Variants in ITGA1 observed in about 807,000 individuals in gnomAD.
ITGA1 encodes integrin alpha-1.
A neutral mutation model predicts 145.9 loss-of-function variants in ITGA1; 85 were observed. That is an observed-to-expected ratio of 0.58 (90% CI 0.49 to 0.70). ITGA1 has a LOEUF of 0.70. ITGA1 is among the 30% of genes least tolerant of loss of function. The pLI is 0.00. For missense variants in ITGA1, 1,351 were observed against 1,418.7 expected, an observed-to-expected ratio of 0.95 and a Z score of 0.77; for synonymous variants, 520 against 495.3, an observed-to-expected ratio of 1.05 and a Z score of -0.66.
At chr5:52,927,549 T>C in intron 19 of ITGA1, 35 bp from the exon 20 acceptor site, 1 of 1,438,260 alleles carries the variant, frequency 7.0e-7, no homozygotes, top group Non-Finnish European at 9.7e-7. Context: ...TTCACCTGCT[T>C]GTCCACTCTG....
At chr5:52,798,709 G>C (rs1196796937) in intron 1 of ITGA1, among the ~76,000 whole-genome samples, 1 of 152,152 alleles carries the variant, frequency 6.6e-6, no homozygotes, top group Non-Finnish European at 1.5e-5. Context: ...ATGGGGCAGG[G>C]GAACAATCAG....
chr5:52,902,004 C>A (rs1467928663), intron 11 of ITGA1: 1 of 151,918 alleles, frequency 6.6e-6, no homozygotes, highest in Non-Finnish European at 1.5e-5. Context: ...TGTTTTTTTT[C>A]ACCCAAAATA....
chr5:52,893,065 A>C (rs969762199), intron 8 of ITGA1, among the ~76,000 whole-genome samples: 5 of 152,190 alleles, frequency 3.3e-5, no homozygotes, highest in African/African-American at 1.2e-4. Flanking sequence ...ATTATAGTTA[A>C]CAATCATATA....
chr5:52,936,608 A>G (rs548591870), intron 23 of ITGA1, among the ~76,000 whole-genome samples: 9 of 152,326 alleles, frequency 5.9e-5, no homozygotes, highest in African/African-American at 1.9e-4. Flanking sequence ...GAAGGGGACA[A>G]CTGCATCTGG....
At chr5:52,825,285 G>A (rs1430046610) in intron 1 of ITGA1, 1 of 152,070 alleles carries the variant, frequency 6.6e-6, no homozygotes, top group Non-Finnish European at 1.5e-5. Flanking sequence ...ATCAGTATAG[G>A]CCCATCTTGT....
intron 1 of ITGA1, chr5:52,801,594 A>G (rs140897877): frequency 2.5e-6 from 4 of 1,614,050 alleles, no homozygotes; most frequent in Non-Finnish European, 3.4e-6. Flanking sequence ...AGGCCAATGA[A>G]GCCATGGCAA....
chr5:52,793,551 C>T (rs868227277), intron 1 of ITGA1, among the ~76,000 whole-genome samples: 1 of 151,962 alleles, frequency 6.6e-6, no homozygotes, highest in Non-Finnish European at 1.5e-5. Context: ...GGAAAATGTG[C>T]GTCTGAAAAT....
At chr5:52,916,570 G>A (rs754209833) in intron 15 of ITGA1, among the ~76,000 whole-genome samples, 2 of 151,894 alleles carry the variant, frequency 1.3e-5, no homozygotes, top group Non-Finnish European at 2.9e-5. Context: ...AAATTAAAAT[G>A]GTACAGTAAA....
chr5:52,935,256 C>G (rs1750948796), intron 23 of ITGA1, among the ~76,000 whole-genome samples: 1 of 151,714 alleles, frequency 6.6e-6, no homozygotes, highest in African/African-American at 2.4e-5. Flanking sequence ...TAAGGTGAAA[C>G]CCGGTAAGTT....
At chr5:52,830,810 G>A (rs1362598431) in intron 1 of ITGA1, among the ~76,000 whole-genome samples, 7 of 152,188 alleles carry the variant, frequency 4.6e-5, no homozygotes, top group Non-Finnish European at 1.5e-5. Context: ...ACGCCAGGCA[G>A]GGCTGTCAGT....
intron 1 of ITGA1, among the ~76,000 whole-genome samples, chr5:52,841,584 T>A (rs1749254379): frequency 6.6e-6 from 1 of 152,192 alleles, no homozygotes; most frequent in Admixed American, 6.5e-5. Context: ...GAGATCAAAC[T>A]CACTTAACCT....
chr5:52,800,802 T>C (rs1216723845), intron 1 of ITGA1: 13 of 1,612,080 alleles, frequency 8.1e-6, no homozygotes, highest in Admixed American at 1.7e-5. Context: ...GGAGCGCTGA[T>C]GTGGCGGCTG....
At chr5:52,863,762 C>G (rs1407547959) in intron 3 of ITGA1, among the ~76,000 whole-genome samples, 2 of 152,074 alleles carry the variant, frequency 1.3e-5, no homozygotes, top group Admixed American at 1.3e-4. Context: ...GGGAAGTTTC[C>G]ACTGTAGTCC....
intron 7 of ITGA1, among the ~76,000 whole-genome samples, chr5:52,885,691 G>A (rs1750035161): frequency 2.0e-5 from 3 of 152,212 alleles, no homozygotes; most frequent in South Asian, 4.1e-4. Context: ...AGCAGTGTGA[G>A]CAATGGGCTT....
In ITGA1 at chr5:52,840,068, A is replaced by G. The variant is rs1202594472; in HGVS notation, c.62-9297A>G. On this transcript the variant is annotated intron_variant, in intron 1 of 28. Transcript: ENST00000282588. The stretch of plus-strand genomic sequence containing the variant: ...TTAAAAATAATTTATTTTACAGTGT[A>G]TACTACCTCTTTGCTTTACTGACCC... Among the ~76,000 whole-genome samples, 3 of 152,310 alleles carry G rather than the reference A, an allele frequency of 2.0e-5. No individual in the cohort carries two copies. The East Asian group carries it at 5.8e-4, about 29-fold the overall frequency.
intron 1 of ITGA1, among the ~76,000 whole-genome samples, chr5:52,814,665 T>C (rs906532616): frequency 6.6e-6 from 1 of 152,066 alleles, no homozygotes; most frequent in Non-Finnish European, 1.5e-5. Context: ...AAGCTCCTGA[T>C]ATTTGAACAG....
chr5:52,849,294 C>G, intron 1 of ITGA1, 71 bp from the exon 2 acceptor site: 1 of 1,298,850 alleles, frequency 7.7e-7, no homozygotes, highest in Non-Finnish European at 1.0e-6. Context: ...CTTAACCATG[C>G]CTTCCATAAC....
rs368540517 is a variant in ITGA1 at position 52,912,559 on chromosome 5, C to G, written c.1857+2140C>G. On this transcript the variant is annotated intron_variant, in intron 14 of 28. Coordinates refer to ENST00000282588, the MANE Select transcript of ITGA1 (RefSeq NM_181501.2). ...ATAGGTATTATATATAGTGTATCCA[C>G]TATAGGTATTATATATAGTGTATCC... Among the ~76,000 whole-genome samples, 13 of 125,950 alleles carry G rather than the reference C, an allele frequency of 1.0e-4. 1 individual carries two copies. The highest frequency in any genetic ancestry group is 1.3e-4 in the Non-Finnish European group (8 of 60,070). 82.6% of individuals were successfully genotyped at this position (125,950 alleles called of 152,430 possible).
At chr5:52,946,012 A>G (rs1013930349) in intron 27 of ITGA1, among the ~76,000 whole-genome samples, 1 of 152,196 alleles carries the variant, frequency 6.6e-6, no homozygotes, top group Non-Finnish European at 1.5e-5. Flanking sequence ...TGATTCCTAA[A>G]TTTATGTGTT....
Sources: allele counts gnomAD v4.1 joint callset (sites outside exome capture counted in the v4.1 genomes callset), GRCh38; gene constraint gnomAD v4.1.1; transcripts MANE v1.5; gene names NCBI Gene and HGNC (gene_info 2026-07-23, HGNC 2026-07-21).